The following PALM2AKAP2 variants were observed in gnomAD, a reference collection of about 807,000 sequenced individuals.
The protein encoded by PALM2AKAP2 is PALM2-AKAP2 fusion protein.
PALM2AKAP2 carries 37 observed loss-of-function variants against 71.5 expected under a neutral mutation model. That is an observed-to-expected ratio of 0.52 (90% confidence interval 0.40 to 0.68). PALM2AKAP2 has a LOEUF of 0.68. Among genes scored for constraint, PALM2AKAP2 ranks in the 30% least tolerant of loss-of-function variants. The pLI, the probability that PALM2AKAP2 is intolerant of heterozygous loss-of-function variation, is 0.00. For missense variants in PALM2AKAP2, 1,224 were observed against 1,191.8 expected (o/e 1.03, Z -0.40); for synonymous variants, 468 against 478.8 (o/e 0.98, Z 0.29).
At chr9:110,142,817 T>C (rs1333047852) in intron 2 of PALM2AKAP2, among the ~76,000 whole-genome samples, 1 of 152,232 alleles carries the variant, frequency 6.6e-6, no homozygotes, top group Non-Finnish European at 1.5e-5. Context: ...CCAAGAGCTC[T>C]ATCAATCATG....
chr9:109,646,571 G>A (rs1349626966), intron 1 of PALM2AKAP2, among the ~76,000 whole-genome samples: 1 of 152,120 alleles, frequency 6.6e-6, no homozygotes, highest in Admixed American at 6.6e-5. Flanking sequence ...AATAAATCTA[G>A]GTTCATGAAA....
chr9:110,072,980 G>A lies in PALM2AKAP2; in HGVS notation c.156+24125G>A, dbSNP rs192749892. Among the ~76,000 whole-genome samples, 400 of 152,342 alleles carry A rather than the reference G, an allele frequency of 2.6e-3. 1 individual carries two copies. The highest frequency in any genetic ancestry group is 4.7e-3 in the Non-Finnish European group (318 of 68,030). ...GAAATGGAAATCTGAGGCAATGAGAGAGAGGAGACATGCATCACTATTTAT... is the reference window on the plus strand; with the variant it reads ...GAAATGGAAATCTGAGGCAATGAGAAAGAGGAGACATGCATCACTATTTAT... On this transcript the variant is annotated intron_variant, in intron 1 of 3. Transcript: ENST00000374525.
At chr9:109,886,663 A>G (rs961145858) in intron 3 of PALM2AKAP2, among the ~76,000 whole-genome samples, 23 of 152,154 alleles carry the variant, frequency 1.5e-4, no homozygotes, top group African/African-American at 5.3e-4. Flanking sequence ...GTTTCCTCAT[A>G]TCTTCAGTGA....
intron 1 of PALM2AKAP2, among the ~76,000 whole-genome samples, chr9:109,860,216 A>T (rs996955055): frequency 2.6e-5 from 4 of 152,124 alleles, no homozygotes; most frequent in African/African-American, 7.2e-5. Flanking sequence ...TTTATGCTTG[A>T]TTACTCAGGT....
At chr9:109,706,906 G>T (rs1386050642) in intron 1 of PALM2AKAP2, among the ~76,000 whole-genome samples, 1 of 152,130 alleles carries the variant, frequency 6.6e-6, no homozygotes, top group African/African-American at 2.4e-5. Context: ...CTGAGTGTGG[G>T]CTGGGGTGGG....
intron 2 of PALM2AKAP2, among the ~76,000 whole-genome samples, chr9:109,868,941 G>A (rs1351293020): frequency 6.6e-6 from 1 of 152,178 alleles, no homozygotes; most frequent in Non-Finnish European, 1.5e-5. Flanking sequence ...TAATAGAACT[G>A]AGTGAATTGT....
At chr9:109,838,593 G>T (rs1252391732) in intron 1 of PALM2AKAP2, among the ~76,000 whole-genome samples, 1 of 152,118 alleles carries the variant, frequency 6.6e-6, no homozygotes, top group Non-Finnish European at 1.5e-5. Context: ...CCAGGAGCTG[G>T]TTTTTTGAAA....
intron 1 of PALM2AKAP2, among the ~76,000 whole-genome samples, chr9:109,813,079 C>A (rs963995707): frequency 6.6e-6 from 1 of 152,218 alleles, no homozygotes; most frequent in African/African-American, 2.4e-5. Context: ...CAGGTCTGCA[C>A]AATTTAACAA....
chr9:109,907,692 A>G (rs1830479636), intron 3 of PALM2AKAP2, among the ~76,000 whole-genome samples: 1 of 152,228 alleles, frequency 6.6e-6, no homozygotes, highest in Non-Finnish European at 1.5e-5. Context: ...TGGTGGGAGC[A>G]GGAACTCTTA....
chr9:109,712,237 T>C (rs1370096291), intron 1 of PALM2AKAP2, among the ~76,000 whole-genome samples: 1 of 152,174 alleles, frequency 6.6e-6, no homozygotes, highest in East Asian at 1.9e-4. Context: ...TAAATAAAGA[T>C]GTTAAAGGAT....
chr9:110,087,379 T>C (rs1048091582), intron 1 of PALM2AKAP2, among the ~76,000 whole-genome samples: 2 of 152,242 alleles, frequency 1.3e-5, no homozygotes, highest in African/African-American at 4.8e-5. Flanking sequence ...ACCCAGCTCA[T>C]TCCCAGTAGG....
chr9:109,751,742 C>T (rs1169434833), intron 1 of PALM2AKAP2, among the ~76,000 whole-genome samples: 1 of 152,104 alleles, frequency 6.6e-6, no homozygotes, highest in Non-Finnish European at 1.5e-5. Context: ...TCTGGCCGTT[C>T]AAAAATGTCA....
intron 6 of PALM2AKAP2, among the ~76,000 whole-genome samples, chr9:109,981,129 G>A (rs1390342590): frequency 6.6e-6 from 1 of 152,190 alleles, no homozygotes; most frequent in East Asian, 1.9e-4. Context: ...AGGAAATGGA[G>A]GATAGATTTG....
chr9:110,109,829 G>GAAACTAAAA (rs1835205850), intron 1 of PALM2AKAP2, among the ~76,000 whole-genome samples: 2 of 151,980 alleles, frequency 1.3e-5, no homozygotes, highest in African/African-American at 4.8e-5. Flanking sequence ...TAAAAAAAAA[G>GAAACTAAAA]TTCAGTCTCA....
chr9:109,973,562 G>A (rs540199443), intron 6 of PALM2AKAP2, among the ~76,000 whole-genome samples: 35 of 152,280 alleles, frequency 2.3e-4, no homozygotes, highest in African/African-American at 8.4e-4. Flanking sequence ...GGCACCAATG[G>A]GGTAGGGGAG....
At chr9:110,052,540 T>C (rs893934796) in intron 1 of PALM2AKAP2, among the ~76,000 whole-genome samples, 1 of 152,368 alleles carries the variant, frequency 6.6e-6, no homozygotes, top group Admixed American at 6.5e-5. Context: ...AAATCTACCA[T>C]TTGGCTCAGA....
At chr9:110,041,289 T>G (rs260207) in intron 7 of PALM2AKAP2, among the ~76,000 whole-genome samples, 101,575 of 151,482 alleles carry the variant, frequency 0.67, 34,640 homozygotes, top group African/African-American at 0.8. Context: ...ATTTTAGTTT[T>G]GAATAGTGTT....
chr9:109,957,142 CA>C (rs1479854652), intron 6 of PALM2AKAP2, among the ~76,000 whole-genome samples: 1 of 152,172 alleles, frequency 6.6e-6, no homozygotes, highest in Non-Finnish European at 1.5e-5. Context: ...ATCGTTTAAA[CA>C]AACAAAAGTA....
At chr9:109,782,823 G>A (rs951786233) in intron 1 of PALM2AKAP2, among the ~76,000 whole-genome samples, 1 of 151,374 alleles carries the variant, frequency 6.6e-6, no homozygotes, top group African/African-American at 2.4e-5. Flanking sequence ...GAGGGAGTTG[G>A]GTGGGGGGAC....
Sources: gnomAD v4.1 joint callset for allele counts (sites outside exome capture counted in the v4.1 genomes callset) on GRCh38, gnomAD v4.1.1 for gene constraint, MANE v1.5 for transcripts, NCBI Gene and HGNC (gene_info 2026-07-23, HGNC 2026-07-21) for gene names.